The following TLDC2 variants were observed in gnomAD, a reference collection of about 807,000 sequenced individuals.
TLDC2 encodes the protein TLD domain-containing protein 2.
A neutral mutation model predicts 27.9 loss-of-function variants in TLDC2; 23 were observed. The ratio of observed to expected loss-of-function variants is 0.82; its 90% CI spans 0.59 to 1.17. TLDC2 has a LOEUF of 1.17. Ranked by LOEUF, TLDC2 falls within the 50% of genes most tolerant of loss-of-function variation. The pLI is 0.00. For synonymous variants in TLDC2, 124 were observed against 107.4 expected, an observed-to-expected ratio of 1.16 and a Z score of -0.96; for missense variants, 286 against 273.4, an observed-to-expected ratio of 1.05 and a Z score of -0.32.
At chr20:36,887,853 A>G (rs1035655583) in intron 5 of TLDC2, among the ~76,000 whole-genome samples, 1 of 151,940 alleles carries the variant, frequency 6.6e-6, no homozygotes, top group African/African-American at 2.4e-5. Context: ...TTTTTCCACC[A>G]GCCCAGGAAT....
At chr20:36,884,342 T>C (rs936821958) in intron 4 of TLDC2, among the ~76,000 whole-genome samples, 6 of 152,212 alleles carry the variant, frequency 3.9e-5, no homozygotes, top group African/African-American at 1.4e-4. Flanking sequence ...TCAGGGCCTT[T>C]GCACGTGCTA....
rs749573698 is a variant in TLDC2 at position 36,879,131 on chromosome 20, T to C, written c.280T>C (p.Tyr94His). The C allele has an allele frequency of 3.1e-6, 5 of 1,613,984 alleles. No homozygotes were observed. The South Asian group carries it at 3.3e-5, about 11-fold the overall frequency. Residue 94 changes from tyrosine to histidine, a missense_variant, in exon 3 of 7, where the codon TAC becomes CAC. Coordinates refer to ENST00000217320, the MANE Select transcript of TLDC2 (RefSeq NM_080628.3). ...GGACGGTTTCAGCCTGCAGAGCCTG[T>C]ACCGGCGGATGGAGGGCTGCAGCGG... ...SRDGFSLQSL[Y>H]RRMEGCSGPV...
intron 4 of TLDC2, among the ~76,000 whole-genome samples, chr20:36,884,858 C>T (rs1159955955): frequency 6.7e-6 from 1 of 148,410 alleles, no homozygotes; most frequent in Non-Finnish European, 1.5e-5. Context: ...CGTTTGCCAT[C>T]ATTTAACACA....
In TLDC2 at chr20:36,892,912, AAAC is replaced by A; in HGVS notation, c.*72_*74del. 1 of 1,614,078 alleles carries A rather than the reference AAAC, an allele frequency of 6.2e-7. No individual in the cohort carries two copies. The highest frequency in any genetic ancestry group is 8.5e-7 in the Non-Finnish European group (1 of 1,179,970). ...GAATTGTGCAGGAGAGGGAGTTTGT[AAAC>A]AACTGACTACAGACATTCACATTGG... On this transcript the variant is annotated 3_prime_UTR_variant, in exon 7 of 7. Coordinates refer to ENST00000217320, the MANE Select transcript of TLDC2 (RefSeq NM_080628.3).
rs764367628 is a variant in TLDC2 at position 36,877,954 on chromosome 20, AG to A, written c.91del (p.Glu31ArgfsTer19). On this transcript the variant is annotated frameshift_variant, in exon 2 of 7. Coordinates refer to ENST00000217320, the MANE Select transcript of TLDC2 (RefSeq NM_080628.3). LOFTEE classifies it high-confidence loss of function. ...SGEEGNEEEE[E>X]EEAAPDPAAA... Reference sequence around the variant, plus strand: ...GAGGAGGGTAACGAAGAGGAAGAGGAGGAGGAGGCAGCTCCAGACCCAGCTG... The same window carrying A: ...GAGGAGGGTAACGAAGAGGAAGAGGAGAGGAGGCAGCTCCAGACCCAGCTG... The A allele has an allele frequency of 3.7e-6, 6 of 1,614,088 alleles. No homozygotes were observed. The South Asian group carries it at 6.6e-5, about 18-fold the overall frequency.
In TLDC2 at chr20:36,879,022, C is replaced by T. The variant is rs561018438; in HGVS notation, c.190-19C>T. On this transcript the variant is annotated intron_variant, in intron 2 of 6. Coordinates refer to ENST00000217320, the MANE Select transcript of TLDC2 (RefSeq NM_080628.3). ...GGCGCGAGGAGAACTCCTCCATTCA[C>T]CTCCAACCCTGTCCCCAGCTCAGCT... 2 of 1,614,174 alleles carry T rather than the reference C, an allele frequency of 1.2e-6. No homozygotes were observed. Among genetic ancestry groups the T allele is most frequent in the South Asian group, 1.1e-5 (1 of 91,082 alleles).
At chr20:36,887,393 C>G (rs1246700512) in intron 4 of TLDC2, 62 bp from the exon 5 acceptor site, 1 of 1,489,280 alleles carries the variant, frequency 6.7e-7, no homozygotes, top group Admixed American at 1.7e-5. Flanking sequence ...GGTTCGGGGT[C>G]AAACTGCAAG....
rs1989717290 is a variant in TLDC2, at chr20:36,878,110, C to T, written c.189+56C>T. On this transcript the variant is annotated intron_variant, in intron 2 of 6. Transcript: ENST00000217320. Reference sequence around the variant, plus strand: ...CAGCCCTAAACCTAAGAGTCTCACCCTCCTGCCCTACACCAGCCACGCCCA... The same window carrying T: ...CAGCCCTAAACCTAAGAGTCTCACCTTCCTGCCCTACACCAGCCACGCCCA... 2.6e-6 allele frequency: 4 copies of T among 1,558,674 alleles called. No homozygotes were observed. In the South Asian group the frequency reaches 4.9e-5, roughly 19 times the overall value.
At chr20:36,889,090 G>C (rs1989994110) in intron 5 of TLDC2, among the ~76,000 whole-genome samples, 161 bp from the exon 6 acceptor site, 1 of 152,172 alleles carries the variant, frequency 6.6e-6, no homozygotes, top group Admixed American at 6.5e-5. Context: ...GGAACAATGT[G>C]CTGAGTCCCC....
intron 2 of TLDC2, among the ~76,000 whole-genome samples, chr20:36,878,799 C>T (rs941605632): frequency 6.6e-6 from 1 of 151,978 alleles, no homozygotes; most frequent in Non-Finnish European, 1.5e-5. Context: ...ACTACCCATG[C>T]GAGCTTTGGG....
chr20:36,879,268 G>A, intron 3 of TLDC2, 75 bp downstream of exon 3: 2 of 1,515,000 alleles, frequency 1.3e-6, no homozygotes, highest in Non-Finnish European at 1.8e-6. Flanking sequence ...TCCCAGGGCA[G>A]CTCAGGGACA....
chr20:36,890,419 T>TTTCTTTCTTTCTTTCTTTCTTTCTTTC (rs1555830171), intron 6 of TLDC2: 7 of 21,398 alleles, frequency 3.3e-4, no homozygotes, highest in East Asian at 4.2e-3. Flanking sequence ...TCTTTCTTTC[T>TTTCTTTCTTTCTTTCTTTCTTTCTTTC]TTTCTTTCTC....
Position 36,879,210 on chromosome 20 carries a change from C to T in TLDC2, c.342+17C>T. ...GACGGGCAGGTGAGCTGGGCAGGGG[C>T]ACCACCCGAGGCTCTGGGGGCACCC... On this transcript the variant is annotated intron_variant, in intron 3 of 6. Transcript: ENST00000217320. 1.9e-6 allele frequency: 3 copies of T among 1,607,350 alleles called. No homozygotes were observed. The highest frequency in any genetic ancestry group is 1.1e-5 in the South Asian group (1 of 90,702).
chr20:36,888,124 G>C (rs1010222562), intron 5 of TLDC2, among the ~76,000 whole-genome samples: 5 of 152,124 alleles, frequency 3.3e-5, no homozygotes, highest in Admixed American at 2.0e-4. Context: ...TTCACTTCCT[G>C]GTTTCAGCCG....
At chr20:36,883,108 C>T (rs1048609502) in intron 4 of TLDC2, among the ~76,000 whole-genome samples, 1 of 151,906 alleles carries the variant, frequency 6.6e-6, no homozygotes, top group African/African-American at 2.4e-5. Flanking sequence ...AACTGTCCAT[C>T]ATCTCTCCTT....
In TLDC2 at chr20:36,893,246, T is replaced by G. The variant is rs1324367199; in HGVS notation, c.*402T>G. 1.6e-5 allele frequency: 11 copies of G among 703,218 alleles called. No homozygotes were observed. The highest frequency in any genetic ancestry group is 1.9e-5 in the Non-Finnish European group (8 of 416,278). The allele number at this position is 703,218 out of a possible 1,614,324, so 43.6% of individuals were successfully genotyped here. ...TGTGCTTGGGGCAAATTAGAAACAC[T>G]ACAGTCTTACGCAGGAAGAGCCTTC... On this transcript the variant is annotated 3_prime_UTR_variant, in exon 7 of 7. Transcript: ENST00000217320.
chr20:36,889,921 G>GTA (rs1340913149), intron 6 of TLDC2: 1 of 152,354 alleles, frequency 6.6e-6, no homozygotes, highest in Admixed American at 6.5e-5. Flanking sequence ...GTGTGTGTGT[G>GTA]TGTGTGTGTA....
intron 1 of TLDC2, 129 bp from the exon 2 acceptor site, chr20:36,877,770 T>G (rs1601093501): frequency 3.0e-5 from 33 of 1,090,298 alleles, no homozygotes; most frequent in Non-Finnish European, 4.1e-5. Context: ...TACCCTGGGC[T>G]GGGCTGGGGG....
chr20:36,887,259 A>G (rs970120448), intron 4 of TLDC2, among the ~76,000 whole-genome samples, 196 bp from the exon 5 acceptor site: 1 of 152,032 alleles, frequency 6.6e-6, no homozygotes, highest in Admixed American at 6.6e-5. Flanking sequence ...TTCAAACTAG[A>G]GGGCATGCGG....
Sources: gnomAD v4.1 joint callset for allele counts (sites outside exome capture counted in the v4.1 genomes callset) on GRCh38, gnomAD v4.1.1 for gene constraint, MANE v1.5 for transcripts, NCBI Gene and HGNC (gene_info 2026-07-23, HGNC 2026-07-21) for gene names.